Variants in GRIK4 observed in about 807,000 individuals in gnomAD.
GRIK4 encodes glutamate ionotropic receptor kainate type subunit 4.
In GRIK4, 40 loss-of-function variants were observed where a neutral mutation model predicts 104.9. That is an observed-to-expected ratio of 0.38 (90% CI 0.30 to 0.50). GRIK4 has a LOEUF of 0.50. Among genes scored for constraint, GRIK4 ranks in the 20% least tolerant of loss-of-function variants. The pLI, the probability that GRIK4 is intolerant of heterozygous loss-of-function variation, is 0.93. For missense variants in GRIK4, 1,047 were observed against 1,308.1 expected, an observed-to-expected ratio of 0.80 and a Z score of 3.08; for synonymous variants, 485 against 524.9, an observed-to-expected ratio of 0.92 and a Z score of 1.04.
chr11:120,609,521 T>G (rs112529128), intron 1 of GRIK4, among the ~76,000 whole-genome samples: 653 of 40,406 alleles, frequency 0.016, 7 homozygotes, highest in African/African-American at 0.057. Context: ...AGTTGCTTTT[T>G]TTTTTTTTTT....
At chr11:120,633,083 C>T (rs1012577816) in intron 1 of GRIK4, among the ~76,000 whole-genome samples, 6 of 152,078 alleles carry the variant, frequency 3.9e-5, no homozygotes, top group African/African-American at 1.4e-4. Flanking sequence ...TGCCCTTTGC[C>T]TTGGGTGGCA....
chr11:120,962,814 C>A, intron 18 of GRIK4, 133 bp downstream of exon 18: 1 of 512,356 alleles, frequency 2.0e-6, no homozygotes, highest in South Asian at 3.2e-5. Flanking sequence ...TTTACGTGGG[C>A]ATTCTAAAGT....
At chr11:120,630,508 G>A (rs933337824) in intron 1 of GRIK4, among the ~76,000 whole-genome samples, 1 of 152,200 alleles carries the variant, frequency 6.6e-6, no homozygotes, top group Admixed American at 6.5e-5. Flanking sequence ...AGCCTTTCCT[G>A]CTCTGCCAGG....
chr11:120,553,954 A>G (rs1296560521), intron 1 of GRIK4, among the ~76,000 whole-genome samples: 1 of 152,188 alleles, frequency 6.6e-6, no homozygotes, highest in African/African-American at 2.4e-5. Flanking sequence ...GAGACTTGGC[A>G]GGATTTAAAA....
At chr11:120,628,767 A>G (rs1261655734) in intron 1 of GRIK4, among the ~76,000 whole-genome samples, 1 of 152,204 alleles carries the variant, frequency 6.6e-6, no homozygotes, top group Non-Finnish European at 1.5e-5. Context: ...GGACTTCTCC[A>G]GTGAGGGTGA....
chr11:120,945,766 C>T (rs1328157602), intron 14 of GRIK4, among the ~76,000 whole-genome samples: 1 of 152,242 alleles, frequency 6.6e-6, no homozygotes, highest in African/African-American at 2.4e-5. Context: ...GCTGTAGCTG[C>T]CTCCTGAACT....
chr11:120,760,574 C>T (rs1157355989), intron 3 of GRIK4, among the ~76,000 whole-genome samples: 1 of 151,954 alleles, frequency 6.6e-6, no homozygotes, highest in Non-Finnish European at 1.5e-5. Flanking sequence ...TTAGGTATTT[C>T]TCCTAATGCT....
intron 11 of GRIK4, among the ~76,000 whole-genome samples, chr11:120,877,353 A>G (rs1954849443): frequency 6.6e-6 from 1 of 152,226 alleles, no homozygotes; most frequent in Non-Finnish European, 1.5e-5. Context: ...GCCCCTGCAC[A>G]GAGAGAGTGC....
At chr11:120,979,257 T>C (rs1944611322) in intron 19 of GRIK4, among the ~76,000 whole-genome samples, 1 of 152,224 alleles carries the variant, frequency 6.6e-6, no homozygotes, top group Admixed American at 6.5e-5. Flanking sequence ...TTAAATTTAA[T>C]ATTTGTAAAA....
At chr11:120,667,513 G>A (rs1282644268) in intron 3 of GRIK4, among the ~76,000 whole-genome samples, 5 of 152,354 alleles carry the variant, frequency 3.3e-5, no homozygotes, top group East Asian at 1.9e-4. Context: ...CTCGCGGCTC[G>A]TCAGCAGGCA....
chr11:120,514,068 A>C (rs1297047173), intron 1 of GRIK4, among the ~76,000 whole-genome samples: 3 of 152,136 alleles, frequency 2.0e-5, no homozygotes, highest in African/African-American at 7.2e-5. Context: ...GTTCTCAGCC[A>C]TCCAGAGATG....
chr11:120,645,656 C>G (rs1243591010), intron 1 of GRIK4, among the ~76,000 whole-genome samples: 1 of 152,166 alleles, frequency 6.6e-6, no homozygotes, highest in Non-Finnish European at 1.5e-5. Flanking sequence ...GGTGATCTCC[C>G]CGTGCTCTCA....
intron 1 of GRIK4, among the ~76,000 whole-genome samples, chr11:120,591,572 G>A (rs1207917881): frequency 6.6e-6 from 1 of 152,172 alleles, no homozygotes; most frequent in Non-Finnish European, 1.5e-5. Flanking sequence ...CACCCCAGCT[G>A]CCTTCTGCCT....
rs563169811 is a variant in GRIK4, at chr11:120,708,236, T to C, written c.82+47836T>C. On this transcript the variant is annotated intron_variant, in intron 3 of 20. Transcript: ENST00000527524. The stretch of plus-strand genomic sequence containing the variant: ...GGACAAGGATAAGATGCTGAAGAAG[T>C]GAATCTTGCCATGGGCACGTGGAAA... 1.0e-3 allele frequency among the ~76,000 whole-genome samples: 153 copies of C among 152,270 alleles called. 1 individual carries two copies. The highest frequency in any genetic ancestry group is 1.5e-3 in the Non-Finnish European group (105 of 68,020).
At chr11:120,963,934 T>G (rs1944336416) in intron 18 of GRIK4, among the ~76,000 whole-genome samples, 1 of 151,950 alleles carries the variant, frequency 6.6e-6, no homozygotes, top group African/African-American at 2.4e-5. Context: ...GGTATATTAG[T>G]GTCCTTCTCA....
intron 3 of GRIK4, among the ~76,000 whole-genome samples, chr11:120,747,126 C>T (rs1951454762): frequency 6.6e-6 from 1 of 152,128 alleles, no homozygotes; most frequent in East Asian, 1.9e-4. Context: ...CAATTCAGGC[C>T]CACAAACTCA....
intron 3 of GRIK4, among the ~76,000 whole-genome samples, chr11:120,766,442 C>T (rs564987842): frequency 2.6e-5 from 4 of 152,292 alleles, no homozygotes; most frequent in African/African-American, 9.6e-5. Context: ...GGCATCAGCC[C>T]CCTTTTCAGG....
intron 1 of GRIK4, among the ~76,000 whole-genome samples, chr11:120,614,764 C>G (rs996920632): frequency 2.0e-5 from 3 of 152,180 alleles, no homozygotes; most frequent in African/African-American, 7.2e-5. Flanking sequence ...CTTTGGGAGG[C>G]CAAGGCGGGT....
chr11:120,675,830 T>C (rs1336935240), intron 3 of GRIK4, among the ~76,000 whole-genome samples: 6 of 152,244 alleles, frequency 3.9e-5, no homozygotes, highest in Non-Finnish European at 7.3e-5. Flanking sequence ...AGCCCATAAA[T>C]AATAGTTATT....
Sources: gnomAD v4.1 joint callset for allele counts (sites outside exome capture counted in the v4.1 genomes callset) on GRCh38, gnomAD v4.1.1 for gene constraint, MANE v1.5 for transcripts, NCBI Gene and HGNC (gene_info 2026-07-23, HGNC 2026-07-21) for gene names.